Variants in STEAP3 observed in about 807,000 individuals in gnomAD.
STEAP3 encodes the protein STEAP3 metalloreductase.
In STEAP3, 35 loss-of-function variants were observed where a neutral mutation model predicts 34.9. That is an observed-to-expected ratio of 1.00 (90% CI 0.76 to 1.33). The LOEUF (loss-of-function observed/expected upper bound fraction) is 1.33, where lower values mean the gene tolerates loss of function less well. STEAP3 is among the 40% of genes most tolerant of loss of function. The probability of loss-of-function intolerance (pLI) is 0.00; values close to 1 mark genes in which losing one functional copy is unlikely to be tolerated. For synonymous variants in STEAP3, 281 were observed against 301.6 expected (o/e 0.93, Z 0.71); for missense variants, 652 against 667.6 (o/e 0.98, Z 0.26).
In STEAP3 at chr2:119,247,773, C is replaced by T. The variant is rs753458208; in HGVS notation, c.617C>T (p.Ala206Val). ...ATGCCCGTGGACATGGGATCCCTGG[C>T]GTCAGCCTGGGAGGTGGAGGCCATG... ...GFMPVDMGSL[A>V]SAWEVEAMPL... Residue 206 changes from alanine (A) to valine (V), a missense_variant, in exon 4 of 6, where the codon GCG becomes GTG. Coordinates refer to ENST00000393110, the MANE Select transcript of STEAP3 (RefSeq NM_182915.3). 3.7e-6 allele frequency: 6 copies of T among 1,606,832 alleles called. No individual in the cohort carries two copies. Among genetic ancestry groups the T allele is most frequent in the Non-Finnish European group, 5.1e-6 (6 of 1,178,204 alleles).
rs79930868 is a variant in STEAP3 at position 119,263,717 on chromosome 2, G to A, written c.*379G>A. 3.0e-6 allele frequency: 1 copy of A among 337,174 alleles called. No individual in the cohort carries two copies. The highest frequency in any genetic ancestry group is 2.5e-5 in the South Asian group (1 of 40,388). 20.9% of individuals were successfully genotyped at this position (337,174 alleles called of 1,614,324 possible). A position where few individuals can be genotyped will look rare whatever the true frequency, so the allele number is the denominator to read the frequency against. On this transcript the variant is annotated 3_prime_UTR_variant, in exon 6 of 6. Coordinates refer to ENST00000393110, the MANE Select transcript of STEAP3 (RefSeq NM_182915.3). ...TACAGAAGAGGCTTGTGCTGTGGTG[G>A]GTTCGATTTATCCCTGCCCACCCCA...
chr2:119,229,270 G>A (rs1346209360), intron 1 of STEAP3, among the ~76,000 whole-genome samples: 3 of 152,172 alleles, frequency 2.0e-5, no homozygotes, highest in Non-Finnish European at 4.4e-5. Flanking sequence ...AGCCTCCCGA[G>A]CAGCTGGGAT....
In STEAP3 at chr2:119,247,933, G is replaced by T; in HGVS notation, c.777G>T (p.Lys259Asn). Residue 259 changes from lysine (K) to asparagine (N), a missense_variant, in exon 4 of 6, where the codon AAG becomes AAT. Physicochemically the swap from Lys to Asn is moderately conservative, Grantham distance 94 (BLOSUM62 0). Coordinates refer to ENST00000393110, the MANE Select transcript of STEAP3 (RefSeq NM_182915.3). ...YVQESQNKFFKLPVSVVNTTL... is the reference protein window; with the variant it reads ...YVQESQNKFFNLPVSVVNTTL... Reference sequence around the variant, plus strand: ...AGGAAAGCCAGAACAAGTTCTTCAAGCTGCCCGTGTCCGTGGTCAACACCA... The same window carrying T: ...AGGAAAGCCAGAACAAGTTCTTCAATCTGCCCGTGTCCGTGGTCAACACCA... 1 of 1,613,750 alleles carries T rather than the reference G, an allele frequency of 6.2e-7. No homozygotes were observed. Among genetic ancestry groups the T allele is most frequent in the Non-Finnish European group, 8.5e-7 (1 of 1,180,004 alleles).
chr2:119,257,903 G>A (rs1312425353), intron 5 of STEAP3, among the ~76,000 whole-genome samples: 2 of 152,146 alleles, frequency 1.3e-5, no homozygotes, highest in South Asian at 2.1e-4. Context: ...TGGACCTCAC[G>A]CGAGAAAGAA....
At chr2:119,246,705 T>A (rs1160243446) in intron 3 of STEAP3, 3 of 152,478 alleles carry the variant, frequency 2.0e-5, no homozygotes, top group African/African-American at 7.2e-5. Flanking sequence ...GCAGGCTGCA[T>A]CATGGGACTC....
chr2:119,228,458 C>T (rs1679110935), intron 1 of STEAP3, among the ~76,000 whole-genome samples: 1 of 152,162 alleles, frequency 6.6e-6, no homozygotes, highest in South Asian at 2.1e-4. Context: ...TCAAATCGCC[C>T]CAACCTGGGT....
chr2:119,255,329 G>A (rs773917195), intron 5 of STEAP3, among the ~76,000 whole-genome samples: 5 of 151,926 alleles, frequency 3.3e-5, no homozygotes, highest in South Asian at 4.2e-4. Flanking sequence ...TTCATGCAGC[G>A]TGGATGAGAC....
intron 2 of STEAP3, among the ~76,000 whole-genome samples, chr2:119,231,339 T>A (rs1336610199): frequency 1.3e-5 from 1 of 78,284 alleles, no homozygotes; most frequent in Non-Finnish European, 2.8e-5. Context: ...TCACACACAG[T>A]TGCGTGTGTG....
At position 119,223,869 on chromosome 2, in the gene STEAP3, C is replaced by G. The variant is rs1006192422; in HGVS notation, c.-413C>G. 1 of 152,232 alleles carries G rather than the reference C, an allele frequency of 6.6e-6. No homozygotes were observed. Among genetic ancestry groups the G allele is most frequent in the African/African-American group, 2.4e-5 (1 of 41,464 alleles). The allele number at this position is 152,232 out of a possible 1,614,324, so 9.4% of individuals were successfully genotyped here. A position where few individuals can be genotyped will look rare whatever the true frequency, so the allele number is the denominator to read the frequency against. ...CGGACCTTCAGCTGCCGCGGTCGCT[C>G]CGAGCGGCGGGCCGCAGAGGTGAGT... On this transcript the variant is annotated 5_prime_UTR_variant, in exon 1 of 6. Transcript: ENST00000393110.
At chr2:119,228,152 C>T (rs1020042405) in intron 1 of STEAP3, among the ~76,000 whole-genome samples, 22 of 152,102 alleles carry the variant, frequency 1.4e-4, no homozygotes, top group Admixed American at 2.6e-4. Flanking sequence ...TATAAGCATC[C>T]GACTGGTGGG....
At chr2:119,224,009 G>A (rs1678952394) in intron 1 of STEAP3, 121 bp downstream of exon 1, 1 of 152,258 alleles carries the variant, frequency 6.6e-6, no homozygotes, top group Admixed American at 6.5e-5. Context: ...CACGTCTGGA[G>A]GCGACTTCTG....
intron 3 of STEAP3, chr2:119,246,233 A>G (rs1368581052): frequency 1.1e-5 from 6 of 545,016 alleles, no homozygotes; most frequent in African/African-American, 5.7e-5. Flanking sequence ...TCTTTCTGCT[A>G]TGGTAACAGG....
At chr2:119,254,324 T>G (rs1409043353) in intron 4 of STEAP3, among the ~76,000 whole-genome samples, 1 of 152,062 alleles carries the variant, frequency 6.6e-6, no homozygotes, top group African/African-American at 2.4e-5. Context: ...GTGACTGTTC[T>G]GATTGGCTGC....
chr2:119,257,641 G>A (rs1279728783), intron 5 of STEAP3: 14 of 1,469,736 alleles, frequency 9.5e-6, no homozygotes, highest in East Asian at 5.4e-5. Flanking sequence ...AGCTGGACAC[G>A]TTAAATGCAG....
chr2:119,260,178 AG>A (rs1322223629), intron 5 of STEAP3, among the ~76,000 whole-genome samples: 1 of 152,122 alleles, frequency 6.6e-6, no homozygotes, highest in African/African-American at 2.4e-5. Flanking sequence ...TTGGGGATAA[AG>A]GGCATCACCC....
chr2:119,249,494 G>T lies in STEAP3; in HGVS notation c.1050+1288G>T, dbSNP rs553714906. Among the ~76,000 whole-genome samples, 40 of 152,210 alleles carry T rather than the reference G, an allele frequency of 2.6e-4. No homozygotes were observed. The Middle Eastern group carries it at 0.017, about 65-fold the overall frequency. ...CTCCAGGACGCTAGTCACCCAACAG[G>T]GTTCAGCCCAGGTGCTGGTGAGACA... On this transcript the variant is annotated intron_variant, in intron 4 of 5. Transcript: ENST00000393110.
chr2:119,240,909 A>G (rs765308864), intron 2 of STEAP3, among the ~76,000 whole-genome samples: 32 of 152,158 alleles, frequency 2.1e-4, no homozygotes, highest in Non-Finnish European at 3.4e-4. Flanking sequence ...CTTCCAAGAC[A>G]TGTACCACCT....
At chr2:119,224,511 T>C (rs1678976291) in intron 1 of STEAP3, among the ~76,000 whole-genome samples, 1 of 152,112 alleles carries the variant, frequency 6.6e-6, no homozygotes, top group Non-Finnish European at 1.5e-5. Flanking sequence ...TCCCCGAAAT[T>C]TGGGGACAGG....
chr2:119,239,990 G>A (rs1337877876), intron 2 of STEAP3, among the ~76,000 whole-genome samples: 2 of 152,142 alleles, frequency 1.3e-5, no homozygotes, highest in Admixed American at 6.5e-5. Flanking sequence ...ATAGGAACAT[G>A]TGCCCCTAAA....
Sources: gnomAD v4.1 joint callset for allele counts (sites outside exome capture counted in the v4.1 genomes callset) on GRCh38, gnomAD v4.1.1 for gene constraint, MANE v1.5 for transcripts, NCBI Gene and HGNC (gene_info 2026-07-23, HGNC 2026-07-21) for gene names.